The following TPTE variants were observed in gnomAD, a reference collection of about 807,000 sequenced individuals.
TPTE encodes transmembrane phosphatase with tensin homology.
In TPTE, 59 loss-of-function variants were observed where a neutral mutation model predicts 84.1. That is an observed-to-expected ratio of 0.70 (90% confidence interval 0.57 to 0.87). The LOEUF (loss-of-function observed/expected upper bound fraction) is 0.87. Ranked by LOEUF, TPTE falls within the 40% of genes least tolerant of loss-of-function variation. The pLI is 0.00. For synonymous variants in TPTE, 130 were observed against 223.5 expected, an observed-to-expected ratio of 0.58 and a Z score of 3.73; for missense variants, 382 against 659.6, an observed-to-expected ratio of 0.58 and a Z score of 4.61.
Position 10,542,418 on chromosome 21 carries a change from G to A in TPTE, c.89G>A (p.Gly30Glu). The A allele has an allele frequency of 6.2e-7, 1 of 1,611,926 alleles. No homozygotes were observed. Among genetic ancestry groups the A allele is most frequent in the Non-Finnish European group, 8.5e-7 (1 of 1,178,476 alleles). Residue 30 changes from glycine (G) to glutamate (E), a missense_variant, in exon 6 of 24, where the codon GGA (glycine) becomes GAA (glutamate). By Grantham distance (98) the Gly-to-Glu change is moderately conservative. Coordinates refer to ENST00000618007, the MANE Select transcript of TPTE (RefSeq NM_199261.4). Reference sequence around the variant, plus strand: ...AGTCCACAGACAAGTGAATTTAAAGGAGCAACCGAGGAGGCACCTGCGAAA... The same window carrying A: ...AGTCCACAGACAAGTGAATTTAAAGAAGCAACCGAGGAGGCACCTGCGAAA... ...NDSPQTSEFK[G>E]ATEEAPAKES... is the part of the protein sequence containing the mutation.
At chr21:10,551,432 TA>T (rs60747771) in intron 7 of TPTE, among the ~76,000 whole-genome samples, 25 of 150,764 alleles carry the variant, frequency 1.7e-4, no homozygotes, top group Admixed American at 3.3e-4. Flanking sequence ...ACTTAAAGTA[TA>T]AAAAAAAAAG....
At chr21:10,538,781 C>T (rs373368487) in intron 4 of TPTE, 47 bp downstream of exon 4, 98 of 1,613,846 alleles carry the variant, frequency 6.1e-5, no homozygotes, top group Non-Finnish European at 1.2e-5. Flanking sequence ...TATAACTGAG[C>T]ATAGAAGTAT....
intron 8 of TPTE, among the ~76,000 whole-genome samples, chr21:10,557,195 T>C (rs1335415565): frequency 1.3e-5 from 2 of 152,306 alleles, no homozygotes; most frequent in Non-Finnish European, 2.9e-5. Context: ...CTATGCTTCG[T>C]GTTGCTTCAT....
chr21:10,567,107 T>TAAA (rs574386155), intron 10 of TPTE, among the ~76,000 whole-genome samples: 29 of 124,336 alleles, frequency 2.3e-4, no homozygotes, highest in African/African-American at 5.2e-4. Context: ...TATGGGGCTC[T>TAAA]AAAAAAAAAA....
At chr21:10,538,359 A>G (rs1299013362) in intron 3 of TPTE, among the ~76,000 whole-genome samples, 2 of 152,306 alleles carry the variant, frequency 1.3e-5, no homozygotes, top group Admixed American at 1.3e-4. Context: ...GTGGAATAAG[A>G]GGGCTGACTA....
chr21:10,531,296 A>T (rs1480284978), intron 3 of TPTE, among the ~76,000 whole-genome samples: 1 of 152,312 alleles, frequency 6.6e-6, no homozygotes, highest in Non-Finnish European at 1.5e-5. Context: ...AGTGAGGGTG[A>T]GTGAGTACTC....
intron 7 of TPTE, among the ~76,000 whole-genome samples, chr21:10,548,892 G>A (rs117881152): frequency 0.018 from 2,754 of 151,192 alleles, no homozygotes; most frequent in Middle Eastern, 0.02. Context: ...ACATCTGGAA[G>A]TCATGCCCTG....
At chr21:10,597,057 A>C (rs1258241491) in intron 20 of TPTE, among the ~76,000 whole-genome samples, 3 of 152,310 alleles carry the variant, frequency 2.0e-5, no homozygotes, top group African/African-American at 7.2e-5. Flanking sequence ...AGTTTTGTGA[A>C]CATTTAAATT....
At chr21:10,551,679 GA>G (rs2145647052) in intron 7 of TPTE, among the ~76,000 whole-genome samples, 1 of 152,376 alleles carries the variant, frequency 6.6e-6, no homozygotes, top group African/African-American at 2.4e-5. Flanking sequence ...GACTAATTAA[GA>G]AAAAGGGAAG....
chr21:10,594,837 CTGG>C (rs1203737075), intron 19 of TPTE, among the ~76,000 whole-genome samples: 1 of 152,312 alleles, frequency 6.6e-6, no homozygotes, highest in African/African-American at 2.4e-5. Flanking sequence ...CCCTCTGTGT[CTGG>C]TGGTGATTCT....
Position 10,541,043 on chromosome 21 carries a change from CTG to C in TPTE, c.12-67_12-66del, listed in dbSNP as rs374290526. On this transcript the variant is annotated intron_variant, in intron 4 of 23. Transcript: ENST00000618007. ...AACTGGGGAATGACACATAGACTAA[CTG>C]TAGCTATTTGTTGCAAAACATTAGA... 3.0e-3 allele frequency: 4,733 copies of C among 1,594,054 alleles called. No individual in the cohort carries two copies. In the African/African-American group the frequency reaches 0.056, roughly 19 times the overall value.
At chr21:10,588,928 G>C (rs1430261874) in intron 17 of TPTE, among the ~76,000 whole-genome samples, 2 of 152,296 alleles carry the variant, frequency 1.3e-5, no homozygotes, top group African/African-American at 4.8e-5. Flanking sequence ...GTTTCTTTTT[G>C]TTGATTTCAA....
At chr21:10,536,570 GGA>G in intron 3 of TPTE, among the ~76,000 whole-genome samples, 1 of 152,282 alleles carries the variant, frequency 6.6e-6, no homozygotes, top group Non-Finnish European at 1.5e-5. Flanking sequence ...ACAAACACAG[GGA>G]GAGAGAGAAA....
At chr21:10,565,873 C>G (rs377258931) in intron 10 of TPTE, among the ~76,000 whole-genome samples, 1 of 152,428 alleles carries the variant, frequency 6.6e-6, no homozygotes, top group East Asian at 1.9e-4. Flanking sequence ...GAATTAAAGA[C>G]TTAAATCTAA....
intron 17 of TPTE, among the ~76,000 whole-genome samples, chr21:10,586,322 G>A (rs2075365523): frequency 6.6e-6 from 1 of 152,084 alleles, no homozygotes; most frequent in African/African-American, 2.4e-5. Context: ...TGACCCATGA[G>A]TTATGTAGAA....
At chr21:10,582,835 G>A (rs1197886078) in intron 17 of TPTE, among the ~76,000 whole-genome samples, 1 of 152,312 alleles carries the variant, frequency 6.6e-6, no homozygotes, top group African/African-American at 2.4e-5. Flanking sequence ...CTGGGTTCAA[G>A]CAATTCTCAT....
chr21:10,599,690 A>G (rs2075652589), intron 21 of TPTE, among the ~76,000 whole-genome samples: 1 of 152,310 alleles, frequency 6.6e-6, no homozygotes, highest in Non-Finnish European at 1.5e-5. Context: ...TGAAGATATA[A>G]TAGCCCTAAC....
At chr21:10,570,789 G>A (rs368838141) in intron 14 of TPTE, among the ~76,000 whole-genome samples, 276 of 151,452 alleles carry the variant, frequency 1.8e-3, no homozygotes, top group African/African-American at 6.2e-3. Context: ...TGTGAATTTG[G>A]TATGGGCTTA....
intron 14 of TPTE, among the ~76,000 whole-genome samples, chr21:10,576,858 T>C (rs865792209): frequency 1.9e-5 from 2 of 102,660 alleles, no homozygotes; most frequent in South Asian, 2.6e-4. Context: ...TATATATATA[T>C]ATATATATAT....
Sources: gnomAD v4.1 joint callset for allele counts (sites outside exome capture counted in the v4.1 genomes callset) on GRCh38, gnomAD v4.1.1 for gene constraint, MANE v1.5 for transcripts, NCBI Gene and HGNC (gene_info 2026-07-23, HGNC 2026-07-21) for gene names.